WDR19: variants seen among roughly 807,000 people sequenced by gnomAD.
The protein encoded by WDR19 is WD repeat-containing protein 19.
Under a neutral mutation model 180.0 loss-of-function variants are expected in WDR19, and 121 were observed. That is an observed-to-expected ratio of 0.67 (90% CI 0.58 to 0.78). WDR19 has a LOEUF of 0.78. WDR19 is among the 30% of genes least tolerant of loss of function. The pLI is 0.00. For synonymous variants in WDR19, 497 were observed against 540.7 expected (o/e 0.92, Z 1.12); for missense variants, 1,450 against 1,640.7 (o/e 0.88, Z 2.01).
intron 14 of WDR19, among the ~76,000 whole-genome samples, chr4:39,223,982 A>G (rs1302482198): frequency 3.3e-5 from 5 of 152,192 alleles, no homozygotes; most frequent in Non-Finnish European, 7.3e-5. Flanking sequence ...AACACAGTAT[A>G]CCTCTCCATT....
At chr4:39,279,213 T>C (rs1456860021) in intron 36 of WDR19, among the ~76,000 whole-genome samples, 1 of 152,222 alleles carries the variant, frequency 6.6e-6, no homozygotes, top group Non-Finnish European at 1.5e-5. Flanking sequence ...GGATATTCTT[T>C]TACCAAAGGG....
At chr4:39,281,745 T>TA (rs1309930357) in intron 36 of WDR19, among the ~76,000 whole-genome samples, 1 of 152,238 alleles carries the variant, frequency 6.6e-6, no homozygotes, top group African/African-American at 2.4e-5. Context: ...GTCAGTAGTC[T>TA]AGGTATGGCT....
Position 39,244,280 on chromosome 4 carries a change from C to T in WDR19, c.2454C>T (p.Ala818=), listed in dbSNP as rs748535483. The T allele has an allele frequency of 9.5e-5, 154 of 1,613,528 alleles. No individual in the cohort carries two copies. The highest frequency in any genetic ancestry group is 1.3e-4 in the Non-Finnish European group (151 of 1,179,742). The change falls in exon 22 of 37, where the codon GCC becomes GCT. Residue 818 remains alanine (A), a synonymous_variant. Coordinates refer to ENST00000399820, the MANE Select transcript of WDR19 (RefSeq NM_025132.4). ...ATGAAGCTTGTCTGGCTGGAGTGGC[C>T]CAGATGTCCATAAGAATGGGAGACA... ...EHDEACLAGV[A]QMSIRMGDIR... is the part of the protein sequence containing the mutation.
chr4:39,253,857 A>T, intron 25 of WDR19, 49 bp from the exon 26 acceptor site: 1 of 1,486,102 alleles, frequency 6.7e-7, no homozygotes, highest in Non-Finnish European at 9.0e-7. Flanking sequence ...AATTTTGTAA[A>T]TCACAAATTT....
intron 34 of WDR19, 59 bp from the exon 35 acceptor site, chr4:39,278,072 C>CT (rs1281802534): frequency 4.4e-6 from 6 of 1,375,874 alleles, no homozygotes; most frequent in Non-Finnish European, 6.0e-6. Flanking sequence ...AAAAAATTGA[C>CT]TAACAGTGGG....
At chr4:39,281,234 TATAG>T (rs1331157927) in intron 36 of WDR19, among the ~76,000 whole-genome samples, 19 of 108,336 alleles carry the variant, frequency 1.8e-4, no homozygotes, top group Admixed American at 5.9e-4. Context: ...TATATATATA[TATAG>T]AGAGAGAGAG....
intron 20 of WDR19, among the ~76,000 whole-genome samples, chr4:39,240,048 A>G (rs1368453197): frequency 1.3e-5 from 2 of 152,024 alleles, no homozygotes; most frequent in Non-Finnish European, 2.9e-5. Context: ...ATGGTGGCGC[A>G]TGCCTATAGT....
intron 20 of WDR19, among the ~76,000 whole-genome samples, chr4:39,235,350 G>C (rs538290462): frequency 3.3e-5 from 5 of 152,018 alleles, no homozygotes; most frequent in Non-Finnish European, 7.4e-5. Context: ...TGACCAGGCT[G>C]GTCTCCTGGG....
At chr4:39,257,676 G>C in intron 28 of WDR19, 122 bp downstream of exon 28, 1 of 820,648 alleles carries the variant, frequency 1.2e-6, no homozygotes, top group Non-Finnish European at 1.9e-6. Flanking sequence ...TACCTATCGT[G>C]TAACTTCAAC....
At chr4:39,231,469 A>G (rs914893035) in intron 17 of WDR19, among the ~76,000 whole-genome samples, 2 of 152,198 alleles carry the variant, frequency 1.3e-5, no homozygotes, top group African/African-American at 4.8e-5. Context: ...TAGAATACTA[A>G]TTTTATTAGA....
rs1478781970 is a variant in WDR19, at chr4:39,205,184, T to C, written c.634T>C (p.Phe212Leu). 3 of 1,595,434 alleles carry C rather than the reference T, an allele frequency of 1.9e-6. No individual in the cohort carries two copies. The highest frequency in any genetic ancestry group is 1.7e-6 in the Non-Finnish European group (2 of 1,170,232). Residue 212 changes from phenylalanine (F) to leucine (L), a missense_variant, in exon 8 of 37, where the codon TTT becomes CTT. Physicochemically the swap from Phe to Leu is conservative, Grantham distance 22. Coordinates refer to ENST00000399820, the MANE Select transcript of WDR19 (RefSeq NM_025132.4). ...ISVVLGKKTLFFLNLNEPDNP... is the reference protein window; with the variant it reads ...ISVVLGKKTLLFLNLNEPDNP... ...TGTGGTGCTTGGCAAGAAAACTTTGTTTTTTTTAAATCTGAATGAACCAGA... is the reference window on the plus strand; with the variant it reads ...TGTGGTGCTTGGCAAGAAAACTTTGCTTTTTTTAAATCTGAATGAACCAGA...
intron 20 of WDR19, among the ~76,000 whole-genome samples, chr4:39,235,371 C>T (rs1731275823): frequency 6.6e-6 from 1 of 152,078 alleles, no homozygotes; most frequent in South Asian, 2.1e-4. Context: ...CTCAAGTGAT[C>T]CTCCCAGCTC....
chr4:39,276,879 TGTAA>T, intron 33 of WDR19, 137 bp from the exon 34 acceptor site: 1 of 1,050,244 alleles, frequency 9.5e-7, no homozygotes, highest in Non-Finnish European at 1.4e-6. Context: ...GGTGTGAGCT[TGTAA>T]GTATCTCTCT....
chr4:39,219,284 A>G (rs1729413399), intron 14 of WDR19, among the ~76,000 whole-genome samples: 1 of 152,182 alleles, frequency 6.6e-6, no homozygotes, highest in Admixed American at 6.5e-5. Flanking sequence ...CATCAATACA[A>G]ACTTCAGGGT....
chr4:39,260,708 G>A (rs894670627), intron 28 of WDR19, among the ~76,000 whole-genome samples: 1 of 152,128 alleles, frequency 6.6e-6, no homozygotes, highest in Non-Finnish European at 1.5e-5. Context: ...TTGACTTCTG[G>A]AGTTTGGGAA....
chr4:39,216,370 A>G (rs1258073520), intron 12 of WDR19, among the ~76,000 whole-genome samples, 160 bp downstream of exon 12: 1 of 152,238 alleles, frequency 6.6e-6, no homozygotes, highest in Non-Finnish European at 1.5e-5. Flanking sequence ...AAAAATTTGC[A>G]TAATTTTTAG....
At chr4:39,200,808 C>T (rs535665454) in intron 6 of WDR19, among the ~76,000 whole-genome samples, 1 of 152,274 alleles carries the variant, frequency 6.6e-6, no homozygotes, top group South Asian at 2.1e-4. Context: ...TGTGGGCCAT[C>T]TTACAGGCTG....
intron 36 of WDR19, among the ~76,000 whole-genome samples, chr4:39,281,966 C>T (rs984337456): frequency 6.6e-6 from 1 of 152,124 alleles, no homozygotes; most frequent in Admixed American, 6.5e-5. Context: ...GAAACTGCTT[C>T]AAGTCCAGTG....
chr4:39,268,021 C>T lies in WDR19; in HGVS notation c.3288C>T (p.Tyr1096=), dbSNP rs779476359. The T allele has an allele frequency of 3.1e-6, 5 of 1,605,580 alleles. No homozygotes were observed. The highest frequency in any genetic ancestry group is 1.7e-4 in the Middle Eastern group (1 of 6,052). ...PKDAKYLFRL[Y]MALKQYREAA... is the part of the protein sequence containing the mutation. ...ATGCCAAGTACCTGTTCCGCTTGTACATGGCTCTGAAGCAATACCGAGAAG... is the reference window on the plus strand; with the variant it reads ...ATGCCAAGTACCTGTTCCGCTTGTATATGGCTCTGAAGCAATACCGAGAAG... The change falls in exon 30 of 37, where the codon TAC becomes TAT. Residue 1096 remains tyrosine, a synonymous_variant. Transcript: ENST00000399820.
Sources: allele counts gnomAD v4.1 joint callset (sites outside exome capture counted in the v4.1 genomes callset), GRCh38; gene constraint gnomAD v4.1.1; transcripts MANE v1.5; gene names NCBI Gene and HGNC (gene_info 2026-07-23, HGNC 2026-07-21).